DNAH2: variants seen among roughly 807,000 people sequenced by gnomAD.
DNAH2 encodes the protein axonemal beta dynein heavy chain 2.
DNAH2 carries 323 observed loss-of-function variants against 523.5 expected under a neutral mutation model. The observed-to-expected ratio is 0.62, with a 90% CI of 0.56 to 0.68. The LOEUF (loss-of-function observed/expected upper bound fraction) is 0.68. Ranked by LOEUF, DNAH2 falls within the 30% of genes least tolerant of loss-of-function variation. The pLI, the probability that DNAH2 is intolerant of heterozygous loss-of-function variation, is 0.00. For synonymous variants in DNAH2, 2,093 were observed against 2,177.4 expected (o/e 0.96, Z 1.08); for missense variants, 4,907 against 5,701.5 (o/e 0.86, Z 4.49).
At chr17:7,721,768 G>T (rs1301449370) in intron 2 of DNAH2, among the ~76,000 whole-genome samples, 1 of 152,192 alleles carries the variant, frequency 6.6e-6, no homozygotes, top group Non-Finnish European at 1.5e-5. Flanking sequence ...GTGACTAGTA[G>T]ATCAGGAGGC....
chr17:7,763,124 C>T (rs1381246823), intron 18 of DNAH2, among the ~76,000 whole-genome samples: 47 of 150,006 alleles, frequency 3.1e-4, no homozygotes, highest in South Asian at 2.3e-3. Context: ...TACAGGTGCC[C>T]GCCACCACAC....
chr17:7,740,196 C>T (rs1324543566), intron 9 of DNAH2, among the ~76,000 whole-genome samples: 1 of 152,146 alleles, frequency 6.6e-6, no homozygotes, highest in African/African-American at 2.4e-5. Context: ...GCAAATTACT[C>T]CACCAGCTGT....
rs1346081504 is a variant in DNAH2 at position 7,719,837 on chromosome 17, C to T, written c.103C>T (p.Gln35Ter). The change falls in exon 2 of 86, where the codon CAG becomes TAG. Residue 35 changes from glutamine (Q) to a stop codon, truncating the protein, a stop_gained. Coordinates refer to ENST00000572933, the MANE Select transcript of DNAH2 (RefSeq NM_020877.5). LOFTEE classifies it high-confidence loss of function. ...ATRAAVATQE[Q>*]GNAPAVSEPE... ...TCGGGCTGCTGTGGCCACACAGGAG[C>T]AGGGGAATGCCCCGGCTGTCAGTGA... 1 of 1,608,632 alleles carries T rather than the reference C, an allele frequency of 6.2e-7. No homozygotes were observed. Among genetic ancestry groups the T allele is most frequent in the Non-Finnish European group, 8.5e-7 (1 of 1,177,374 alleles).
chr17:7,786,400 G>A lies in DNAH2; in HGVS notation c.6348+58G>A, dbSNP rs2076735754. The A allele has an allele frequency of 2.5e-6, 4 of 1,569,924 alleles. No homozygotes were observed. The highest frequency in any genetic ancestry group is 1.1e-5 in the South Asian group (1 of 87,852). ...GAGACTTGAGTAGTAAGAAGACAAT[G>A]GAGGGTGGGGGCCAGGGAGGACCTT... On this transcript the variant is annotated intron_variant, in intron 40 of 85. Transcript: ENST00000572933. The surrounding 1 kb of genome is among the most constrained non-coding windows in gnomAD (Gnocchi z 7.5).
At chr17:7,808,571 A>G (rs2077430205) in intron 63 of DNAH2, among the ~76,000 whole-genome samples, 1 of 152,190 alleles carries the variant, frequency 6.6e-6, no homozygotes, top group African/African-American at 2.4e-5. Flanking sequence ...AGGAGTATCC[A>G]ATAAGAAGTT....
At chr17:7,804,820 TG>T in intron 59 of DNAH2, 137 bp from the exon 60 acceptor site, 1 of 720,500 alleles carries the variant, frequency 1.4e-6, no homozygotes. Context: ...CACTCCAGCC[TG>T]GGCGAAAGAG....
chr17:7,754,580 G>A lies in DNAH2; in HGVS notation c.1905-2511G>A, dbSNP rs1018805591. 13 of 1,493,116 alleles carry A rather than the reference G, an allele frequency of 8.7e-6. No homozygotes were observed. The highest frequency in any genetic ancestry group is 2.3e-5 in the East Asian group (1 of 44,288). The allele number at this position is 1,493,116 out of a possible 1,614,324, so 92.5% of individuals were successfully genotyped here. A position where few individuals can be genotyped will look rare whatever the true frequency, so the allele number is the denominator to read the frequency against. ...TGCACACCAACAATGCCAAGGCCAT[G>A]AGTCCACGTGCCGAGGCTCTCAAGG... On this transcript the variant is annotated intron_variant, in intron 12 of 85. Coordinates refer to ENST00000572933, the MANE Select transcript of DNAH2 (RefSeq NM_020877.5). This position sits in a 1 kb window ranked among gnomAD's most constrained non-coding sequence, Gnocchi z 4.6.
At chr17:7,743,393 C>T (rs772683868) in intron 12 of DNAH2, 38 of 701,316 alleles carry the variant, frequency 5.4e-5, no homozygotes, top group Middle Eastern at 2.3e-4. Flanking sequence ...CGGCCAGGCA[C>T]GGTGGCTCAC....
chr17:7,833,716 A>G lies in DNAH2; in HGVS notation c.*183A>G. ...AAGTGAAAGAGTTGTATTGGAGCTC[A>G]GTGCTGTAAAACACCCGCGACAACA... On this transcript the variant is annotated 3_prime_UTR_variant, in exon 86 of 86. Coordinates refer to ENST00000572933, the MANE Select transcript of DNAH2 (RefSeq NM_020877.5). 2.4e-6 allele frequency: 2 copies of G among 838,570 alleles called. No homozygotes were observed. The highest frequency in any genetic ancestry group is 2.9e-5 in the South Asian group (2 of 69,386). The allele number at this position is 838,570 out of a possible 1,614,324, so 51.9% of individuals were successfully genotyped here. A position where few individuals can be genotyped will look rare whatever the true frequency, so the allele number is the denominator to read the frequency against.
chr17:7,738,539 C>T (rs2075210492), intron 8 of DNAH2, among the ~76,000 whole-genome samples: 1 of 152,092 alleles, frequency 6.6e-6, no homozygotes, highest in Non-Finnish European at 1.5e-5. Flanking sequence ...CCGTGTTAGC[C>T]AGGGTGGTCT....
chr17:7,759,177 T>C (rs2075933794), intron 15 of DNAH2, 53 bp downstream of exon 15: 13 of 1,606,378 alleles, frequency 8.1e-6, no homozygotes, highest in Non-Finnish European at 1.0e-5. Flanking sequence ...AGTCCCCCAG[T>C]TCCATCAGGC....
Position 7,770,355 on chromosome 17 carries a change from G to C in DNAH2, c.4045G>C (p.Glu1349Gln). 2 of 1,614,080 alleles carry C rather than the reference G, an allele frequency of 1.2e-6. No individual in the cohort carries two copies. The highest frequency in any genetic ancestry group is 1.7e-6 in the Non-Finnish European group (2 of 1,180,012). The change falls in exon 25 of 86, where the codon GAG becomes CAG. Residue 1349 changes from glutamate (E) to glutamine (Q), a missense_variant. Transcript: ENST00000572933. ...GGAGCTTGGGATGGATCAGCATGTGGAGAAAATTGGGGAGATCTCTGCTTC... is the reference window on the plus strand; with the variant it reads ...GGAGCTTGGGATGGATCAGCATGTGCAGAAAATTGGGGAGATCTCTGCTTC... Reference protein sequence around the residue: ...IVELGMDQHVEKIGEISASAT... With the variant: ...IVELGMDQHVQKIGEISASAT...
intron 21 of DNAH2, among the ~76,000 whole-genome samples, chr17:7,766,078 G>A (rs551253355): frequency 3.3e-5 from 5 of 152,086 alleles, no homozygotes; most frequent in South Asian, 2.1e-4. Flanking sequence ...CGCCCGGCCC[G>A]CATTTCTACT....
In DNAH2 at chr17:7,818,070, T is replaced by C. The variant is rs747802561; in HGVS notation, c.10361T>C (p.Met3454Thr). The stretch of plus-strand genomic sequence containing the variant: ...TATCTGGACCCCACACTGAACCCCA[T>C]GCTCAACAAATCTGTAGCCCGAATC... ...QEYLDPTLNP[M>T]LNKSVARIGG... The change falls in exon 68 of 86, where the codon ATG becomes ACG. Residue 3454 changes from methionine to threonine, a missense_variant. This residue lies in a region of DNAH2 where 1,851 missense variants were observed against 2,139.4 expected (regional missense o/e 0.87). Coordinates refer to ENST00000572933, the MANE Select transcript of DNAH2 (RefSeq NM_020877.5). 10 of 1,612,934 alleles carry C rather than the reference T, an allele frequency of 6.2e-6. No homozygotes were observed. Among genetic ancestry groups the C allele is most frequent in the Non-Finnish European group, 8.5e-6 (10 of 1,180,034 alleles).
chr17:7,777,413 G>C lies in DNAH2; in HGVS notation c.5059-33G>C, dbSNP rs202028429. On this transcript the variant is annotated intron_variant, in intron 32 of 85. Coordinates refer to ENST00000572933, the MANE Select transcript of DNAH2 (RefSeq NM_020877.5). The stretch of plus-strand genomic sequence containing the variant: ...GATCAGGCTTTGGCGGCATTGCTCT[G>C]TCTGCTCTCTTCCCTGCTGCTTCAT... 2.1e-4 allele frequency: 342 copies of C among 1,613,116 alleles called. 2 individuals carry two copies. The African/African-American group carries it at 4.1e-3, about 19-fold the overall frequency.
At chr17:7,740,047 C>T (rs2075263143) in intron 9 of DNAH2, 109 bp downstream of exon 9, 2 of 574,966 alleles carry the variant, frequency 3.5e-6, no homozygotes, top group Admixed American at 4.7e-5. Context: ...AAGGACAGAT[C>T]GGGATCAGGG....
chr17:7,750,102 G>A (rs919697821), intron 12 of DNAH2, among the ~76,000 whole-genome samples: 2 of 152,052 alleles, frequency 1.3e-5, no homozygotes, highest in East Asian at 3.9e-4. Flanking sequence ...CCAGGTTCAA[G>A]CGATTCTCCT....
rs774059490 is a variant in DNAH2 at position 7,793,447 on chromosome 17, T to TTCTCTTTCTTTCTTTC, written c.7569+243_7569+244insCTCTTTCTTTCTTTCT. On this transcript the variant is annotated intron_variant, in intron 48 of 85. Coordinates refer to ENST00000572933, the MANE Select transcript of DNAH2 (RefSeq NM_020877.5). ...GCCTGCTTGCTTTTTCTTTCTTTCT[T>TTCTCTTTCTTTCTTTC]TTTCTTTCTTTCTTTCTTTCTTTCT... Among the ~76,000 whole-genome samples, 82 of 96,504 alleles carry TTCTCTTTCTTTCTTTC rather than the reference T, an allele frequency of 8.5e-4. 1 individual carries two copies. Among genetic ancestry groups the TTCTCTTTCTTTCTTTC allele is most frequent in the Admixed American group, 1.2e-3 (11 of 9,456 alleles). 63.3% of individuals were successfully genotyped at this position (96,504 alleles called of 152,430 possible). A position where few individuals can be genotyped will look rare whatever the true frequency, so the allele number is the denominator to read the frequency against.
chr17:7,792,630 T>C, intron 46 of DNAH2, 27 bp from the exon 47 acceptor site: 2 of 1,598,066 alleles, frequency 1.3e-6, no homozygotes, highest in Non-Finnish European at 1.7e-6. Context: ...GGCTGGTCCT[T>C]GAGAGCCGGC....
Sources: gnomAD v4.1 joint callset for allele counts (sites outside exome capture counted in the v4.1 genomes callset) on GRCh38, gnomAD v4.1.1 for gene constraint, gnomAD v4.1.1 regional missense constraint, Gnocchi (gnomAD v3.1) non-coding constraint, MANE v1.5 for transcripts, NCBI Gene and HGNC (gene_info 2026-07-23, HGNC 2026-07-21) for gene names.